TBC1D22A: variants seen among roughly 807,000 people sequenced by gnomAD.
TBC1D22A encodes the protein TBC1 domain family member 22A.
A neutral mutation model predicts 60.2 loss-of-function variants in TBC1D22A; 38 were observed. The ratio of observed to expected loss-of-function variants is 0.63; its 90% CI spans 0.49 to 0.83. The LOEUF (loss-of-function observed/expected upper bound fraction) is 0.83. TBC1D22A is among the 40% of genes least tolerant of loss of function. The probability of loss-of-function intolerance (pLI) is 0.00; values close to 1 mark genes in which losing one functional copy is unlikely to be tolerated. For synonymous variants in TBC1D22A, 302 were observed against 281.7 expected (o/e 1.07, Z -0.72); for missense variants, 628 against 701.0 (o/e 0.90, Z 1.18).
At chr22:46,831,225 T>C (rs2086295230) in intron 4 of TBC1D22A, among the ~76,000 whole-genome samples, 1 of 152,170 alleles carries the variant, frequency 6.6e-6, no homozygotes, top group African/African-American at 2.4e-5. Context: ...GGGAGGATGC[T>C]GACGTGGAGG....
At position 46,878,742 on chromosome 22, in the gene TBC1D22A, C is replaced by T. The variant is rs131869; in HGVS notation, c.708+19C>T. The T allele has an allele frequency of 0.69, 1,111,697 of 1,609,938 alleles. 393,672 individuals are homozygous for T. The highest frequency in any genetic ancestry group is 0.77 in the Middle Eastern group (4,666 of 6,034). Reference sequence around the variant, plus strand: ...CCTCTCAGTAAGTCCCACCGCACCGCCCATCAGCGCCTCCTTCCTGTGCAC... The same window carrying T: ...CCTCTCAGTAAGTCCCACCGCACCGTCCATCAGCGCCTCCTTCCTGTGCAC... On this transcript the variant is annotated intron_variant, in intron 5 of 12. Coordinates refer to ENST00000337137, the MANE Select transcript of TBC1D22A (RefSeq NM_014346.5).
intron 11 of TBC1D22A, among the ~76,000 whole-genome samples, chr22:47,099,390 T>C (rs1204992251): frequency 6.6e-6 from 1 of 151,568 alleles, no homozygotes; most frequent in East Asian, 1.9e-4. Context: ...CCGGAAGGCA[T>C]GAGCAGGGGC....
At chr22:47,064,203 C>A (rs1292739578) in intron 11 of TBC1D22A, among the ~76,000 whole-genome samples, 2 of 152,246 alleles carry the variant, frequency 1.3e-5, no homozygotes, top group Non-Finnish European at 2.9e-5. Context: ...TGCCGGCACC[C>A]GTGCTCTCTC....
intron 12 of TBC1D22A, among the ~76,000 whole-genome samples, chr22:47,150,490 G>A (rs949022907): frequency 2.0e-5 from 3 of 152,220 alleles, no homozygotes; most frequent in Non-Finnish European, 4.4e-5. Flanking sequence ...TCGAGCCCGC[G>A]TACACCTGAG....
At chr22:47,087,517 G>T (rs1386323219) in intron 11 of TBC1D22A, among the ~76,000 whole-genome samples, 1 of 152,154 alleles carries the variant, frequency 6.6e-6, no homozygotes, top group South Asian at 2.1e-4. Flanking sequence ...TGAATGTACA[G>T]CCCCAGTAGG....
At chr22:47,103,541 G>T (rs2065502482) in intron 11 of TBC1D22A, among the ~76,000 whole-genome samples, 1 of 152,168 alleles carries the variant, frequency 6.6e-6, no homozygotes, top group South Asian at 2.1e-4. Flanking sequence ...GATCCTGAAG[G>T]CAGTGGGTAT....
intron 1 of TBC1D22A, chr22:46,764,233 T>A (rs908933645): frequency 6.6e-6 from 1 of 152,218 alleles, no homozygotes; most frequent in Non-Finnish European, 1.5e-5. Flanking sequence ...CACAGGACCG[T>A]GCTTGATTCG....
At chr22:46,992,797 G>A (rs2074994384) in intron 9 of TBC1D22A, among the ~76,000 whole-genome samples, 1 of 152,224 alleles carries the variant, frequency 6.6e-6, no homozygotes, top group Admixed American at 6.5e-5. Flanking sequence ...CGTGGTCAGA[G>A]CCCAGCTTCT....
intron 12 of TBC1D22A, among the ~76,000 whole-genome samples, chr22:47,127,409 T>TG (rs2066500919): frequency 6.7e-6 from 1 of 149,318 alleles, no homozygotes; most frequent in South Asian, 2.2e-4. Context: ...TTTTTTTTTT[T>TG]TTTGTATTTT....
chr22:47,004,551 G>C (rs1171735653), intron 10 of TBC1D22A, among the ~76,000 whole-genome samples: 1 of 131,306 alleles, frequency 7.6e-6, no homozygotes, highest in African/African-American at 2.9e-5. Flanking sequence ...TACACAGGCA[G>C]GCTCCTGTAC....
chr22:46,918,614 C>T (rs2070536806), intron 8 of TBC1D22A, among the ~76,000 whole-genome samples: 1 of 152,142 alleles, frequency 6.6e-6, no homozygotes, highest in Non-Finnish European at 1.5e-5. Context: ...AGGGAGTGGT[C>T]AGCAGAGCTC....
chr22:46,883,298 A>G (rs991479961), intron 5 of TBC1D22A, among the ~76,000 whole-genome samples: 10 of 152,274 alleles, frequency 6.6e-5, no homozygotes, highest in African/African-American at 2.4e-4. Context: ...ATATAAGTAT[A>G]TGCATGCATT....
intron 11 of TBC1D22A, among the ~76,000 whole-genome samples, chr22:47,103,101 C>T (rs2065482333): frequency 6.6e-6 from 1 of 152,212 alleles, no homozygotes; most frequent in African/African-American, 2.4e-5. Context: ...ATTCTCAGTG[C>T]CGAGCTTCCA....
chr22:46,842,611 A>G (rs2086818584), intron 4 of TBC1D22A, among the ~76,000 whole-genome samples: 1 of 152,260 alleles, frequency 6.6e-6, no homozygotes, highest in Non-Finnish European at 1.5e-5. Context: ...GAAATGTACA[A>G]ACCTGCAGCA....
chr22:46,906,148 G>A (rs190204790), intron 7 of TBC1D22A, among the ~76,000 whole-genome samples: 124 of 141,812 alleles, frequency 8.7e-4, no homozygotes, highest in Middle Eastern at 3.4e-3. Flanking sequence ...TGGGAGAAAG[G>A]GCAGCTGCAG....
intron 12 of TBC1D22A, among the ~76,000 whole-genome samples, chr22:47,132,165 A>G (rs1008452797): frequency 6.6e-6 from 1 of 152,072 alleles, no homozygotes; most frequent in Admixed American, 6.5e-5. Context: ...TTAGGACCCC[A>G]CCTTTAGGAG....
intron 11 of TBC1D22A, among the ~76,000 whole-genome samples, chr22:47,037,815 G>A (rs1409446664): frequency 2.0e-5 from 3 of 152,148 alleles, no homozygotes; most frequent in Non-Finnish European, 4.4e-5. Flanking sequence ...AGGAGGATGC[G>A]AGGGATGCTG....
intron 8 of TBC1D22A, among the ~76,000 whole-genome samples, chr22:46,919,261 C>T (rs142196932): frequency 3.3e-5 from 5 of 152,240 alleles, no homozygotes; most frequent in South Asian, 4.1e-4. Flanking sequence ...TTACATGGTG[C>T]GTGGCCCTTT....
intron 11 of TBC1D22A, among the ~76,000 whole-genome samples, chr22:47,072,202 G>A (rs1306693462): frequency 3.9e-5 from 6 of 152,250 alleles, no homozygotes; most frequent in Non-Finnish European, 8.8e-5. Flanking sequence ...AGCCTGGAGA[G>A]GCTGCCCTCC....
Sources: gnomAD v4.1 joint callset for allele counts (sites outside exome capture counted in the v4.1 genomes callset) on GRCh38, gnomAD v4.1.1 for gene constraint, MANE v1.5 for transcripts, NCBI Gene and HGNC (gene_info 2026-07-23, HGNC 2026-07-21) for gene names.